CATIP: variants seen among roughly 807,000 people sequenced by gnomAD.
CATIP encodes ciliogenesis-associated TTC17-interacting protein.
Under a neutral mutation model 42.5 loss-of-function variants are expected in CATIP, and 40 were observed. That is an observed-to-expected ratio of 0.94 (90% CI 0.73 to 1.22). The LOEUF (loss-of-function observed/expected upper bound fraction) is 1.22. Among genes scored for constraint, CATIP ranks in the 50% most tolerant of loss-of-function variants. CATIP has a pLI of 0.00. For synonymous variants in CATIP, 222 were observed against 200.2 expected, an observed-to-expected ratio of 1.11 and a Z score of -0.92; for missense variants, 489 against 496.0, an observed-to-expected ratio of 0.99 and a Z score of 0.13.
intron 7 of CATIP, chr2:218,365,816 T>C (rs1051756318): frequency 6.6e-6 from 1 of 151,546 alleles, no homozygotes; most frequent in African/African-American, 2.4e-5. Flanking sequence ...TCTCTCTTTC[T>C]CTCTCTCTGT....
At chr2:218,360,938 C>T (rs1201637667) in intron 5 of CATIP, among the ~76,000 whole-genome samples, 1 of 150,340 alleles carries the variant, frequency 6.7e-6, no homozygotes, top group African/African-American at 2.5e-5. Context: ...TCAAGTGATT[C>T]TCCTGCCTCA....
At chr2:218,363,770 C>T (rs1695325975) in intron 6 of CATIP, among the ~76,000 whole-genome samples, 1 of 152,136 alleles carries the variant, frequency 6.6e-6, no homozygotes, top group Non-Finnish European at 1.5e-5. Flanking sequence ...GATCGCACAA[C>T]TGCACTCCAG....
At position 218,362,724 on chromosome 2, in the gene CATIP, G is replaced by A; in HGVS notation, c.463-11G>A. On this transcript the variant is annotated splice_polypyrimidine_tract_variant and intron_variant, in intron 5 of 9. Transcript: ENST00000289388. ...GGTTCCAGGACCCTGACCCAGATCA[G>A]TTCTGAACAGGAAGTGAAGACTGGA... 1 of 1,613,604 alleles carries A rather than the reference G, an allele frequency of 6.2e-7. No individual in the cohort carries two copies. The highest frequency in any genetic ancestry group is 1.1e-5 in the South Asian group (1 of 91,044).
At chr2:218,367,597 G>A in intron 9 of CATIP, 79 bp downstream of exon 9, 1 of 1,603,532 alleles carries the variant, frequency 6.2e-7, no homozygotes, top group South Asian at 1.1e-5. Context: ...GCACCTGATT[G>A]AAATGCACAC....
rs776625865 is a variant in CATIP, at chr2:218,364,767, G to A, written c.755+15G>A. The A allele has an allele frequency of 3.1e-6, 5 of 1,609,850 alleles. 1 individual carries two copies. The South Asian group carries it at 5.5e-5, about 18-fold the overall frequency. ...CTCTCCGATGGGTGAGCTGCTGATG[G>A]TGGGCCCAGAGGGGTGGTGCTGAGC... On this transcript the variant is annotated intron_variant, in intron 7 of 9. Transcript: ENST00000289388.
At chr2:218,358,151 T>A in intron 4 of CATIP, 59 bp downstream of exon 4, 1 of 1,447,972 alleles carries the variant, frequency 6.9e-7, no homozygotes, top group South Asian at 1.2e-5. Flanking sequence ...GATTTTGACT[T>A]AAAAAACAGC....
In CATIP at chr2:218,360,542, C is replaced by T. The variant is rs773901435; in HGVS notation, c.376-31C>T. The T allele has an allele frequency of 1.8e-5, 28 of 1,584,920 alleles. No individual in the cohort carries two copies. The Admixed American group carries it at 4.2e-4, about 24-fold the overall frequency. ...GACCTCTGGGGGACCCAGGGAGTCC[C>T]TGATCCTCCCCCGCATGCTCTGGCC... On this transcript the variant is annotated intron_variant, in intron 4 of 9. Coordinates refer to ENST00000289388, the MANE Select transcript of CATIP (RefSeq NM_198559.2).
chr2:218,357,024 C>A (rs1182686061), intron 1 of CATIP, 71 bp from the exon 2 acceptor site: 14 of 1,561,458 alleles, frequency 9.0e-6, no homozygotes, highest in East Asian at 2.2e-5. Context: ...GACTGAGGTA[C>A]CCTGCCTTGC....
At chr2:218,365,307 T>G (rs1476029514) in intron 7 of CATIP, among the ~76,000 whole-genome samples, 2 of 151,578 alleles carry the variant, frequency 1.3e-5, no homozygotes, top group African/African-American at 4.9e-5. Flanking sequence ...CCAGCTACTC[T>G]GGAGGCTGAG....
chr2:218,359,328 C>G (rs1367807777), intron 4 of CATIP, among the ~76,000 whole-genome samples: 1 of 117,892 alleles, frequency 8.5e-6, no homozygotes, highest in Non-Finnish European at 1.6e-5. Flanking sequence ...GGCAACAGAG[C>G]GAGACTCTGT....
At chr2:218,359,341 C>CAAAAAAAAAAAAAAAAAA (rs140677940) in intron 4 of CATIP, among the ~76,000 whole-genome samples, 7 of 79,712 alleles carry the variant, frequency 8.8e-5, no homozygotes, top group African/African-American at 3.6e-4. Flanking sequence ...GACTCTGTCT[C>CAAAAAAAAAAAAAAAAAA]AAAAAAAAAA....
At chr2:218,366,774 C>G (rs1486094710) in intron 7 of CATIP, 5 of 466,670 alleles carry the variant, frequency 1.1e-5, no homozygotes, top group Non-Finnish European at 2.0e-5. Context: ...CAAGTGCCTT[C>G]TCAATGTGTC....
chr2:218,357,937 C>T (rs556186292), intron 3 of CATIP, 100 bp from the exon 4 acceptor site: 17 of 1,201,448 alleles, frequency 1.4e-5, no homozygotes, highest in South Asian at 9.7e-5. Context: ...TTTCTGGGAC[C>T]GTATTACACC....
chr2:218,357,182 C>A lies in CATIP; in HGVS notation c.113C>A (p.Ser38Tyr), dbSNP rs763884826. Residue 38 changes from serine to tyrosine, a missense_variant, in exon 2 of 10, where the codon TCC becomes TAC. Coordinates refer to ENST00000289388, the MANE Select transcript of CATIP (RefSeq NM_198559.2). ...ANAEAIDFLSSLHKEELQMLF... is the reference protein window; with the variant it reads ...ANAEAIDFLSYLHKEELQMLF... ...GCTGAAGCCATCGACTTCCTCAGCT[C>A]CCTCCGTGAGCTCAGACAGTGTCGG... 1.1e-5 allele frequency: 18 copies of A among 1,612,560 alleles called. No homozygotes were observed. In the South Asian group the frequency reaches 1.2e-4, roughly 11 times the overall value.
chr2:218,361,681 G>A (rs1179422676), intron 5 of CATIP, among the ~76,000 whole-genome samples: 1 of 152,168 alleles, frequency 6.6e-6, no homozygotes, highest in South Asian at 2.1e-4. Context: ...AATAGTGAGG[G>A]AGTTATATAG....
At chr2:218,359,918 G>T (rs538187926) in intron 4 of CATIP, among the ~76,000 whole-genome samples, 1 of 151,784 alleles carries the variant, frequency 6.6e-6, no homozygotes, top group Non-Finnish European at 1.5e-5. Context: ...TTCACCTTCC[G>T]GGTTCAAGCA....
At chr2:218,366,726 G>A (rs1219087982) in intron 7 of CATIP, 2 of 390,930 alleles carry the variant, frequency 5.1e-6, no homozygotes, top group East Asian at 1.2e-4. Flanking sequence ...TGCCATCAGG[G>A]TTGGTTTCTG....
intron 5 of CATIP, 76 bp from the exon 6 acceptor site, chr2:218,362,659 A>G: frequency 7.0e-7 from 1 of 1,438,028 alleles, no homozygotes; most frequent in Admixed American, 2.1e-5. Context: ...CGTATGCCCA[A>G]CACCTGGCTT....
chr2:218,363,743 A>AG (rs1695325179), intron 6 of CATIP, among the ~76,000 whole-genome samples: 1 of 152,142 alleles, frequency 6.6e-6, no homozygotes, highest in African/African-American at 2.4e-5. Flanking sequence ...CAGGAGGCGG[A>AG]GGTTGCAGTG....
Sources: allele counts gnomAD v4.1 joint callset (sites outside exome capture counted in the v4.1 genomes callset), GRCh38; gene constraint gnomAD v4.1.1; transcripts MANE v1.5; gene names NCBI Gene and HGNC (gene_info 2026-07-23, HGNC 2026-07-21).